The following KHDRBS3 variants were observed in gnomAD, a reference collection of about 807,000 sequenced individuals.
KHDRBS3 encodes KH domain-containing, RNA-binding, signal transduction-associated protein 3.
KHDRBS3 carries 23 observed loss-of-function variants against 45.6 expected under a neutral mutation model. The observed-to-expected ratio is 0.50, with a 90% confidence interval of 0.36 to 0.72. The LOEUF (loss-of-function observed/expected upper bound fraction) is 0.72, where lower values mean the gene tolerates loss of function less well. KHDRBS3 is among the 30% of genes least tolerant of loss of function. The pLI is 0.00. For missense variants in KHDRBS3, 352 were observed against 424.8 expected (o/e 0.83, Z 1.51); for synonymous variants, 162 against 156.5 (o/e 1.04, Z -0.26).
chr8:135,641,003 C>T (rs933120713), intron 7 of KHDRBS3, among the ~76,000 whole-genome samples: 10 of 152,088 alleles, frequency 6.6e-5, no homozygotes, highest in East Asian at 1.9e-4. Flanking sequence ...CCCAGCTCCT[C>T]GGCTTGATGA....
intron 7 of KHDRBS3, among the ~76,000 whole-genome samples, chr8:135,642,102 T>G (rs1831084031): frequency 6.6e-6 from 1 of 152,194 alleles, no homozygotes; most frequent in Non-Finnish European, 1.5e-5. Flanking sequence ...CGACTTCTGT[T>G]TCTGAGCATG....
At chr8:135,572,813 C>T (rs959733358) in intron 5 of KHDRBS3, among the ~76,000 whole-genome samples, 1 of 152,244 alleles carries the variant, frequency 6.6e-6, no homozygotes, top group African/African-American at 2.4e-5. Flanking sequence ...AGTTTCTTCC[C>T]TGTGTTGTAA....
At chr8:135,634,576 A>G (rs935384744) in intron 7 of KHDRBS3, among the ~76,000 whole-genome samples, 2 of 152,236 alleles carry the variant, frequency 1.3e-5, no homozygotes, top group Admixed American at 6.5e-5. Flanking sequence ...CTTTTCTTAT[A>G]TTCTTGGCAC....
chr8:135,651,030 G>C (rs150115699), downstream of KHDRBS3, among the ~76,000 whole-genome samples: 592 of 152,318 alleles, frequency 3.9e-3, 6 homozygotes, highest in Non-Finnish European at 6.1e-3. Context: ...GACCACGTCT[G>C]TAAAGCTCTG....
At chr8:135,591,581 A>C (rs1333010741) in intron 6 of KHDRBS3, among the ~76,000 whole-genome samples, 1 of 152,212 alleles carries the variant, frequency 6.6e-6, no homozygotes, top group Non-Finnish European at 1.5e-5. Context: ...TGGTGCCCTC[A>C]TCTGTACATG....
At chr8:135,479,012 G>T (rs574842943) in intron 1 of KHDRBS3, among the ~76,000 whole-genome samples, 20 of 152,218 alleles carry the variant, frequency 1.3e-4, no homozygotes, top group African/African-American at 4.8e-4. Context: ...CAAACCGAAA[G>T]GTGGTTCTTT....
intron 7 of KHDRBS3, among the ~76,000 whole-genome samples, chr8:135,614,875 G>T (rs1344799811): frequency 6.6e-6 from 1 of 151,836 alleles, no homozygotes; most frequent in Non-Finnish European, 1.5e-5. Flanking sequence ...TTTGCAGTGG[G>T]GAAGAGAGAC....
intron 1 of KHDRBS3, among the ~76,000 whole-genome samples, chr8:135,476,582 C>T (rs1003308492): frequency 1.3e-5 from 2 of 152,150 alleles, no homozygotes; most frequent in African/African-American, 4.8e-5. Context: ...TTCCCTCTGC[C>T]TTTTCGTGCT....
intron 7 of KHDRBS3, among the ~76,000 whole-genome samples, chr8:135,617,558 G>T (rs545909784): frequency 6.6e-6 from 1 of 152,076 alleles, no homozygotes. Context: ...GATTATAGGC[G>T]TGAGCCACCA....
intron 1 of KHDRBS3, 130 bp downstream of exon 1, chr8:135,458,084 C>G (rs527777815): frequency 7.2e-7 from 1 of 1,391,900 alleles, no homozygotes. Flanking sequence ...GGGTGGCCCC[C>G]GGGGTCGTTT....
At chr8:135,528,615 T>C (rs1362931923) in intron 2 of KHDRBS3, among the ~76,000 whole-genome samples, 1 of 152,238 alleles carries the variant, frequency 6.6e-6, no homozygotes, top group Non-Finnish European at 1.5e-5. Flanking sequence ...AGTGCCAAAA[T>C]TAATTTGGTT....
At chr8:135,581,347 T>A (rs1326266212) in intron 5 of KHDRBS3, among the ~76,000 whole-genome samples, 3 of 152,260 alleles carry the variant, frequency 2.0e-5, no homozygotes, top group Non-Finnish European at 4.4e-5. Context: ...TGTGTTTACT[T>A]AACCTAAGAA....
At chr8:135,614,535 A>C (rs918361605) in intron 7 of KHDRBS3, among the ~76,000 whole-genome samples, 1 of 151,850 alleles carries the variant, frequency 6.6e-6, no homozygotes, top group Non-Finnish European at 1.5e-5. Flanking sequence ...TCATAAACTA[A>C]ATAGAACATA....
chr8:135,596,194 A>G (rs1828965740), intron 6 of KHDRBS3, among the ~76,000 whole-genome samples: 1 of 152,226 alleles, frequency 6.6e-6, no homozygotes. Flanking sequence ...AATTCATGTT[A>G]TACACAGTGG....
At chr8:135,617,048 T>C (rs142541749) in intron 7 of KHDRBS3, among the ~76,000 whole-genome samples, 1,780 of 152,090 alleles carry the variant, frequency 0.012, 29 homozygotes, top group African/African-American at 0.039. Flanking sequence ...TTCTTAGCTC[T>C]ACGACGTTGA....
rs944238143 is a variant in KHDRBS3 at position 135,582,207 on chromosome 8, T to C, written c.807+134T>C. On this transcript the variant is annotated intron_variant, in intron 6 of 8. Coordinates refer to ENST00000355849, the MANE Select transcript of KHDRBS3 (RefSeq NM_006558.3). ...GTATTCTACTTTGTTTCAGCAAATA[T>C]TTATTGAGTGCTAAAGAAGTACTTA... 1.4e-5 allele frequency: 12 copies of C among 844,048 alleles called. No homozygotes were observed. The Admixed American group carries it at 3.5e-4, about 25-fold the overall frequency. The allele number at this position is 844,048 out of a possible 1,614,324, so 52.3% of individuals were successfully genotyped here.
chr8:135,458,743 G>A (rs1167505221), intron 1 of KHDRBS3: 1 of 409,372 alleles, frequency 2.4e-6, no homozygotes, highest in Non-Finnish European at 4.9e-6. Context: ...TAGTGGTGAA[G>A]GGAGTCCTTG....
In KHDRBS3 at chr8:135,600,854, A is replaced by G. The variant is rs370655000; in HGVS notation, c.808-6101A>G. Among the ~76,000 whole-genome samples the G allele has an allele frequency of 2.0e-5, 3 of 152,122 alleles. No individual in the cohort carries two copies. The South Asian group carries it at 6.2e-4, about 32-fold the overall frequency. ...GCTGGGAATACAGGTGCCCACCACC[A>G]TGCCTGGCTAAGTTTTGTATTTTTT... On this transcript the variant is annotated intron_variant, in intron 6 of 8. Transcript: ENST00000355849.
intron 2 of KHDRBS3, among the ~76,000 whole-genome samples, chr8:135,527,948 T>G (rs1459706772): frequency 2.0e-5 from 3 of 152,212 alleles, no homozygotes; most frequent in Non-Finnish European, 4.4e-5. Flanking sequence ...TATAAAAACA[T>G]TTTCCATTTT....
Sources: gnomAD v4.1 joint callset for allele counts (sites outside exome capture counted in the v4.1 genomes callset) on GRCh38, gnomAD v4.1.1 for gene constraint, MANE v1.5 for transcripts, NCBI Gene and HGNC (gene_info 2026-07-23, HGNC 2026-07-21) for gene names.